Variants in RBPJ observed in about 807,000 individuals in gnomAD.
RBPJ encodes recombination signal binding protein for immunoglobulin kappa J region.
A neutral mutation model predicts 67.8 loss-of-function variants in RBPJ; 9 were observed. The observed-to-expected ratio is 0.13, with a 90% CI of 0.08 to 0.23. The LOEUF is 0.23. RBPJ is among the 10% of genes least tolerant of loss of function. RBPJ has a pLI of 1.00. For synonymous variants in RBPJ, 198 were observed against 203.3 expected (o/e 0.97, Z 0.22); for missense variants, 305 against 595.6 (o/e 0.51, Z 5.08).
intron 1 of RBPJ, among the ~76,000 whole-genome samples, chr4:26,380,459 T>C (rs571908125): frequency 6.6e-6 from 1 of 152,228 alleles, no homozygotes; most frequent in Non-Finnish European, 1.5e-5. Flanking sequence ...GTAGTCTTAC[T>C]TACTAATGAG....
At chr4:26,247,183 T>C (rs1023084622) in intron 1 of RBPJ, among the ~76,000 whole-genome samples, 1 of 152,064 alleles carries the variant, frequency 6.6e-6, no homozygotes, top group African/African-American at 2.4e-5. Flanking sequence ...TTTGAAAGTT[T>C]ATTTTTTTCA....
At chr4:26,210,735 A>C (rs28445821) in intron 1 of RBPJ, among the ~76,000 whole-genome samples, 20,835 of 46,944 alleles carry the variant, frequency 0.44, 3,581 homozygotes, top group South Asian at 0.46. Context: ...TTCCTTCTTT[A>C]CTTCTTTCCT....
intron 1 of RBPJ, chr4:26,272,599 AT>A (rs780553368): frequency 2.2e-5 from 9 of 416,556 alleles, no homozygotes; most frequent in South Asian, 1.1e-4. Context: ...TAAATAAAAA[AT>A]AAATAAAAAA....
At chr4:26,267,969 C>T (rs1206505540) in intron 1 of RBPJ, among the ~76,000 whole-genome samples, 2 of 152,062 alleles carry the variant, frequency 1.3e-5, no homozygotes, top group African/African-American at 4.8e-5. Flanking sequence ...GATATTCCAA[C>T]TTAATTTATC....
chr4:26,315,789 C>A (rs774814400), upstream of RBPJ, among the ~76,000 whole-genome samples: 15 of 152,082 alleles, frequency 9.9e-5, no homozygotes, highest in Non-Finnish European at 1.8e-4. Context: ...ATAGACCTCC[C>A]CCCAGGAATG....
intron 1 of RBPJ, among the ~76,000 whole-genome samples, chr4:26,269,232 A>AT (rs1201619604): frequency 2.0e-5 from 3 of 149,482 alleles, no homozygotes; most frequent in African/African-American, 4.9e-5. Context: ...TATTTAATTT[A>AT]TTTTTTATTA....
upstream of RBPJ, among the ~76,000 whole-genome samples, chr4:26,316,201 T>C (rs150729337): frequency 0.027 from 4,049 of 151,078 alleles, 166 homozygotes; most frequent in African/African-American, 0.082. Context: ...TCCTCTGCAG[T>C]GGCTCCAACC....
intron 1 of RBPJ, among the ~76,000 whole-genome samples, chr4:26,260,077 A>G (rs1217181146): frequency 6.6e-6 from 1 of 152,258 alleles, no homozygotes; most frequent in East Asian, 1.9e-4. Context: ...ATAGCAAGTT[A>G]GTACAAGTTA....
chr4:26,394,507 AT>A (rs2109681032), intron 2 of RBPJ, among the ~76,000 whole-genome samples: 1 of 151,824 alleles, frequency 6.6e-6, no homozygotes, highest in Non-Finnish European at 1.5e-5. Context: ...ATCAGATGTT[AT>A]ATAATGCATA....
upstream of RBPJ, among the ~76,000 whole-genome samples, chr4:26,319,258 C>G (rs1451862910): frequency 6.6e-6 from 1 of 152,134 alleles, no homozygotes; most frequent in African/African-American, 2.4e-5. Context: ...GCCCTAGAGC[C>G]TGACCTCTCA....
At chr4:26,129,231 C>T in the RBPJ span, among the ~76,000 whole-genome samples, 4 of 152,244 alleles carry the variant, frequency 2.6e-5, no homozygotes, top group Admixed American at 6.5e-5. Context: ...CAGCTTAGCA[C>T]CTCAAATAGG....
At chr4:26,120,738 T>G in the RBPJ span, among the ~76,000 whole-genome samples, 255 of 104,130 alleles carry the variant, frequency 2.4e-3, no homozygotes, top group Non-Finnish European at 4.0e-3. Context: ...TTTTTTTTTT[T>G]GCACACTGGA....
chr4:26,206,904 A>G (rs1300767363), intron 1 of RBPJ, among the ~76,000 whole-genome samples: 1 of 152,052 alleles, frequency 6.6e-6, no homozygotes, highest in African/African-American at 2.4e-5. Flanking sequence ...ATGCCTAAGT[A>G]AAGGTCCCCT....
At chr4:26,215,094 AGAG>A (rs1718639192) in intron 1 of RBPJ, among the ~76,000 whole-genome samples, 9 of 58,474 alleles carry the variant, frequency 1.5e-4, no homozygotes, top group East Asian at 1.3e-3. Flanking sequence ...AAAGACAGAA[AGAG>A]AAAGAAAGAA....
At chr4:26,121,216 A>G in the RBPJ span, among the ~76,000 whole-genome samples, 1 of 152,116 alleles carries the variant, frequency 6.6e-6, no homozygotes, top group Admixed American at 6.6e-5. Flanking sequence ...CTCATAATGG[A>G]AAGAATCTGA....
In RBPJ at chr4:26,199,050, TA is replaced by T. The variant is rs144511088; in HGVS notation, c.-167+35440del. 5.7e-3 allele frequency among the ~76,000 whole-genome samples: 869 copies of T among 152,204 alleles called. 23 individuals carry two copies. The East Asian group carries it at 0.072, about 13-fold the overall frequency. On this transcript the variant is annotated intron_variant, in intron 1 of 4. Coordinates refer to the RBPJ transcript ENST00000512351. The stretch of plus-strand genomic sequence containing the variant: ...CCGGGACTTTTTCTTCTTCCCCAAC[TA>T]AAACTCTGCACCCATTAAACTCCTC...
At chr4:26,219,856 A>C (rs1343994190) in intron 1 of RBPJ, among the ~76,000 whole-genome samples, 1 of 152,040 alleles carries the variant, frequency 6.6e-6, no homozygotes, top group Non-Finnish European at 1.5e-5. Flanking sequence ...GCTCACTGCA[A>C]GCTCCACCTG....
At position 26,430,956 on chromosome 4, in the gene RBPJ, C is replaced by T. The variant is rs1736158664; in HGVS notation, c.1413C>T (p.Ala471=). The T allele has an allele frequency of 1.9e-6, 3 of 1,613,880 alleles. No individual in the cohort carries two copies. The highest frequency in any genetic ancestry group is 1.7e-5 in the Admixed American group (1 of 59,992). Residue 471 remains alanine (A), a synonymous_variant, in exon 11 of 11, where the codon GCC becomes GCT. Coordinates refer to ENST00000355476, the MANE Select transcript of RBPJ (RefSeq NM_015874.6). The surrounding 1 kb of genome is among the most constrained non-coding windows in gnomAD (Gnocchi z 4.1). ...NTNSEGSYTN[A]STNSTSVTSS... ...ACAGCGAGGGAAGTTACACAAACGC[C>T]AGCACAAATTCAACCAGTGTCACAT...
intron 1 of RBPJ, among the ~76,000 whole-genome samples, chr4:26,215,409 A>AAGGAAGGAAGGGAGGGAGGGGGG (rs145441404): frequency 1.8e-4 from 2 of 11,082 alleles, no homozygotes; most frequent in Non-Finnish European, 2.9e-4. Flanking sequence ...AAGGGGGGGG[A>AAGGAAGGAAGGGAGGGAGGGGGG]AGGAAGGAAG....
Sources: gnomAD v4.1 joint callset for allele counts (sites outside exome capture counted in the v4.1 genomes callset) on GRCh38, gnomAD v4.1.1 for gene constraint, Gnocchi (gnomAD v3.1) non-coding constraint, MANE v1.5 for transcripts, NCBI Gene and HGNC (gene_info 2026-07-23, HGNC 2026-07-21) for gene names.